The following MAPK10 variants were observed in gnomAD, a reference collection of about 807,000 sequenced individuals.
MAPK10 encodes JNK3 alpha protein kinase.
MAPK10 carries 25 observed loss-of-function variants against 59.3 expected under a neutral mutation model. The observed-to-expected ratio is 0.42, with a 90% CI of 0.31 to 0.59. The LOEUF (loss-of-function observed/expected upper bound fraction) is 0.59, where lower values mean the gene tolerates loss of function less well. Ranked by LOEUF, MAPK10 falls within the 20% of genes least tolerant of loss-of-function variation. The pLI, the probability that MAPK10 is intolerant of heterozygous loss-of-function variation, is 0.15. For synonymous variants in MAPK10, 190 were observed against 200.5 expected, an observed-to-expected ratio of 0.95 and a Z score of 0.44; for missense variants, 351 against 568.9, an observed-to-expected ratio of 0.62 and a Z score of 3.90.
intron 1 of MAPK10, among the ~76,000 whole-genome samples, chr4:86,448,127 A>G (rs1380125395): frequency 6.6e-6 from 1 of 151,944 alleles, no homozygotes; most frequent in African/African-American, 2.4e-5. Flanking sequence ...ACACATACAC[A>G]AAAAAAACAC....
chr4:86,096,243 T>C (rs1196036431), intron 9 of MAPK10, among the ~76,000 whole-genome samples: 2 of 151,736 alleles, frequency 1.3e-5, no homozygotes, highest in African/African-American at 4.8e-5. Context: ...CACAATTTAA[T>C]TTCAGCTCCA....
At position 86,272,234 on chromosome 4, in the gene MAPK10, T is replaced by C. The variant is rs1020557716; in HGVS notation, c.-6-77827A>G. Among the ~76,000 whole-genome samples the C allele has an allele frequency of 2.0e-5, 3 of 152,040 alleles. No homozygotes were observed. The South Asian group carries it at 6.2e-4, about 31-fold the overall frequency. The stretch of plus-strand genomic sequence containing the variant: ...TTAACGTATTCTGAAAACAAGTCCT[T>C]TGTCAAATTCTGTATTGTGTGTACC... On this transcript the variant is annotated intron_variant, in intron 2 of 13. Transcript: ENST00000641462.
chr4:86,427,060 A>G (rs1413071432), intron 1 of MAPK10, among the ~76,000 whole-genome samples: 2 of 152,066 alleles, frequency 1.3e-5, no homozygotes, highest in East Asian at 1.9e-4. Flanking sequence ...GATCGAGACC[A>G]TCCTGGTTAA....
chr4:86,115,583 T>A (rs2058178409), intron 4 of MAPK10, among the ~76,000 whole-genome samples: 1 of 152,142 alleles, frequency 6.6e-6, no homozygotes, highest in Non-Finnish European at 1.5e-5. Flanking sequence ...TGCCTCAGCC[T>A]CCTGAGTAGC....
At chr4:86,156,020 A>G (rs1239166900) in intron 4 of MAPK10, among the ~76,000 whole-genome samples, 2 of 152,054 alleles carry the variant, frequency 1.3e-5, no homozygotes, top group Non-Finnish European at 2.9e-5. Context: ...AGAGTGAGAC[A>G]GGGCAAGATT....
chr4:86,250,032 ATAGAG>A (rs1430721030), intron 2 of MAPK10, among the ~76,000 whole-genome samples: 1 of 152,214 alleles, frequency 6.6e-6, no homozygotes, highest in Non-Finnish European at 1.5e-5. Flanking sequence ...GTGCCCAAAA[ATAGAG>A]TATCTAGAAA....
chr4:86,429,901 G>A (rs772823210), intron 1 of MAPK10: 8 of 150,682 alleles, frequency 5.3e-5, no homozygotes, highest in Non-Finnish European at 8.8e-5. Context: ...AAATATCATT[G>A]AGTATACCAT....
At chr4:86,371,213 G>A (rs1208214866) in intron 1 of MAPK10, among the ~76,000 whole-genome samples, 4 of 86,468 alleles carry the variant, frequency 4.6e-5, no homozygotes, top group Non-Finnish European at 1.2e-4. Flanking sequence ...TATCACAAAT[G>A]TCATCATTAA....
rs915908971 is a variant in MAPK10, at chr4:86,012,541, A to G, written c.*4687T>C. On this transcript the variant is annotated 3_prime_UTR_variant, in exon 14 of 14. Transcript: ENST00000641462. ...TAATAATCCATAAGAAACAGAAATC[A>G]TAATATATTGACTCCATATTACCTA... The G allele has an allele frequency of 1.3e-5, 2 of 152,250 alleles. No individual in the cohort carries two copies. Among genetic ancestry groups the G allele is most frequent in the Non-Finnish European group, 2.9e-5 (2 of 68,038 alleles). The allele number at this position is 152,250 out of a possible 1,614,324, so 9.4% of individuals were successfully genotyped here.
intron 6 of MAPK10, 166 bp from the exon 7 acceptor site, chr4:86,102,198 A>G: frequency 1.8e-6 from 1 of 548,686 alleles, no homozygotes; most frequent in South Asian, 3.4e-5. Flanking sequence ...TGTTAGCTAT[A>G]CGAACCCTAC....
intron 7 of MAPK10, chr4:86,101,554 A>G (rs1690519476): frequency 5.2e-6 from 2 of 381,132 alleles, no homozygotes; most frequent in South Asian, 4.1e-5. Flanking sequence ...GCCTGACAGA[A>G]GAACAGATCA....
At chr4:86,561,777 T>C (rs898573749) in intron 1 of MAPK10, among the ~76,000 whole-genome samples, 6 of 152,222 alleles carry the variant, frequency 3.9e-5, no homozygotes, top group African/African-American at 1.4e-4. Flanking sequence ...GTACAGTGTA[T>C]TGGGGAGACA....
At chr4:86,191,591 T>TTTTTTTTTTTTTTTC (rs1562924832) in intron 3 of MAPK10, 1 of 114,214 alleles carries the variant, frequency 8.8e-6, no homozygotes, top group African/African-American at 3.8e-5. Flanking sequence ...TTTTTTTTTT[T>TTTTTTTTTTTTTTTC]TGCTTTCCAT....
intron 4 of MAPK10, among the ~76,000 whole-genome samples, chr4:86,116,264 C>T (rs1195695962): frequency 1.3e-5 from 2 of 152,176 alleles, no homozygotes; most frequent in Non-Finnish European, 2.9e-5. Flanking sequence ...CAGATGGACA[C>T]ATTCATATTG....
At chr4:86,074,540 C>T in intron 9 of MAPK10, among the ~76,000 whole-genome samples, 1 of 131,360 alleles carries the variant, frequency 7.6e-6, no homozygotes, top group African/African-American at 3.1e-5. Flanking sequence ...ACTGGTTGTT[C>T]CTTTCCATGT....
intron 4 of MAPK10, among the ~76,000 whole-genome samples, chr4:86,116,499 G>A (rs537612596): frequency 1.4e-4 from 21 of 152,324 alleles, no homozygotes; most frequent in African/African-American, 4.3e-4. Flanking sequence ...TGGTAGTGAG[G>A]ATTGTCAGTG....
chr4:86,201,444 A>T (rs917917031), intron 2 of MAPK10, among the ~76,000 whole-genome samples: 1 of 151,836 alleles, frequency 6.6e-6, no homozygotes, highest in Non-Finnish European at 1.5e-5. Flanking sequence ...ATTTTGAGAA[A>T]TTTTTATATG....
chr4:86,144,405 CAGA>C (rs2064364356), intron 4 of MAPK10, among the ~76,000 whole-genome samples: 1 of 151,960 alleles, frequency 6.6e-6, no homozygotes, highest in South Asian at 2.1e-4. Flanking sequence ...GCTCTTTGAG[CAGA>C]TAAAGCAAGA....
intron 1 of MAPK10, among the ~76,000 whole-genome samples, chr4:86,503,805 A>G (rs114907219): frequency 1.1e-4 from 16 of 152,110 alleles, no homozygotes; most frequent in Admixed American, 4.6e-4. Context: ...GCAAGATCCT[A>G]TATAATATGG....
Sources: gnomAD v4.1 joint callset for allele counts (sites outside exome capture counted in the v4.1 genomes callset) on GRCh38, gnomAD v4.1.1 for gene constraint, MANE v1.5 for transcripts, NCBI Gene and HGNC (gene_info 2026-07-23, HGNC 2026-07-21) for gene names.